Variants in PDE4A observed in about 807,000 individuals in gnomAD.
PDE4A encodes phosphodiesterase 4A.
Under a neutral mutation model 73.9 loss-of-function variants are expected in PDE4A, and 21 were observed. The ratio of observed to expected loss-of-function variants is 0.28; its 90% CI spans 0.20 to 0.41. PDE4A has a LOEUF of 0.41. Among genes scored for constraint, PDE4A ranks in the 10% least tolerant of loss-of-function variants. The pLI, the probability that PDE4A is intolerant of heterozygous loss-of-function variation, is 1.00. For synonymous variants in PDE4A, 463 were observed against 505.4 expected (o/e 0.92, Z 1.13); for missense variants, 958 against 1,211.4 (o/e 0.79, Z 3.10).
intron 13 of PDE4A, among the ~76,000 whole-genome samples, chr19:10,462,452 C>T (rs1488193819): frequency 3.3e-5 from 5 of 151,582 alleles, no homozygotes; most frequent in Non-Finnish European, 5.9e-5. Context: ...TGAGCCACCG[C>T]GCTCAGCCCT....
chr19:10,460,972 T>A, intron 10 of PDE4A, 32 bp from the exon 11 acceptor site: 11 of 1,597,036 alleles, frequency 6.9e-6, no homozygotes, highest in Non-Finnish European at 9.4e-6. Context: ...GCTTCAACTC[T>A]GTTATTCTAA....
chr19:10,418,945 GA>G (rs959459562), upstream of PDE4A: 33 of 985,126 alleles, frequency 3.3e-5, no homozygotes, highest in Admixed American at 4.9e-4. Context: ...TTGGCCCTTG[GA>G]ATACCCGGCG....
intron 1 of PDE4A, chr19:10,427,984 A>T: frequency 1.1e-5 from 2 of 186,224 alleles, no homozygotes; most frequent in Non-Finnish European, 1.8e-5. Context: ...TGACAGAGTG[A>T]GACCCTGTCA....
intron 1 of PDE4A, among the ~76,000 whole-genome samples, chr19:10,421,987 TG>T (rs747392428): frequency 1.3e-5 from 2 of 152,248 alleles, no homozygotes; most frequent in African/African-American, 2.4e-5. Flanking sequence ...AGTGTGACTG[TG>T]TATTTCCAGG....
intron 1 of PDE4A, among the ~76,000 whole-genome samples, chr19:10,432,057 C>T (rs1249116789): frequency 6.6e-6 from 1 of 151,822 alleles, no homozygotes; most frequent in African/African-American, 2.4e-5. Flanking sequence ...CGAGCGGGCC[C>T]AGCTCGACGT....
chr19:10,447,091 G>A (rs530242376), intron 2 of PDE4A, among the ~76,000 whole-genome samples: 5 of 149,682 alleles, frequency 3.3e-5, no homozygotes, highest in South Asian at 2.1e-4. Context: ...TAGTGGAGAC[G>A]GGGTTTCACC....
intron 14 of PDE4A, 27 bp from the exon 15 acceptor site, chr19:10,466,860 C>T: frequency 1.2e-6 from 2 of 1,603,184 alleles, no homozygotes; most frequent in Non-Finnish European, 1.7e-6. Flanking sequence ...ATAGGCCGCC[C>T]ATTTATACTT....
chr19:10,446,966 G>A (rs565264481), intron 2 of PDE4A, among the ~76,000 whole-genome samples: 11 of 138,168 alleles, frequency 8.0e-5, no homozygotes, highest in African/African-American at 3.0e-4. Flanking sequence ...TGGTGCGATC[G>A]CGGCTCACTG....
chr19:10,420,997 G>T lies in PDE4A; in HGVS notation c.233G>T (p.Gly78Val), dbSNP rs766841699. 1.8e-5 allele frequency: 27 copies of T among 1,522,954 alleles called. No individual in the cohort carries two copies. The highest frequency in any genetic ancestry group is 2.4e-5 in the Non-Finnish European group (27 of 1,143,906). 94.3% of individuals were successfully genotyped at this position (1,522,954 alleles called of 1,614,324 possible). Residue 78 changes from glycine (G) to valine (V), a missense_variant, in exon 1 of 15, where the codon GGC becomes GTC. Transcript: ENST00000380702. The surrounding 1 kb of genome is among the most constrained non-coding windows in gnomAD (Gnocchi z 6.0). The stretch of plus-strand genomic sequence containing the variant: ...GCCATGGACACCAGCGACCGGCCCG[G>T]CCTGCGCACGACCCGCATGTCCTGG... ...ADAMDTSDRP[G>V]LRTTRMSWPS...
intron 1 of PDE4A, 115 bp from the exon 2 acceptor site, chr19:10,446,103 T>C: frequency 1.4e-6 from 2 of 1,442,284 alleles, no homozygotes; most frequent in Non-Finnish European, 1.8e-6. Context: ...CCTCCCAAAG[T>C]GCTGGGATTA....
intron 1 of PDE4A, among the ~76,000 whole-genome samples, chr19:10,423,545 G>T (rs2042678034): frequency 6.6e-6 from 1 of 152,156 alleles, no homozygotes; most frequent in African/African-American, 2.4e-5. Context: ...CAATTCCTGT[G>T]CATCTTTGTA....
intron 2 of PDE4A, 119 bp downstream of exon 2, chr19:10,446,528 C>A: frequency 9.8e-6 from 12 of 1,220,554 alleles, no homozygotes; most frequent in Non-Finnish European, 1.4e-5. Context: ...CCCAACCTGT[C>A]CTCCCCAGTG....
chr19:10,437,119 C>G (rs1483866229), intron 1 of PDE4A, among the ~76,000 whole-genome samples: 2 of 152,026 alleles, frequency 1.3e-5, no homozygotes, highest in African/African-American at 4.8e-5. Flanking sequence ...ACCTTAAGAA[C>G]CTTAAGAGTG....
chr19:10,446,215 C>T lies in PDE4A; in HGVS notation c.321-3C>T, dbSNP rs200212266. The T allele has an allele frequency of 6.4e-6, 10 of 1,560,950 alleles. No homozygotes were observed. Among genetic ancestry groups the T allele is most frequent in the Non-Finnish European group, 7.8e-6 (9 of 1,152,464 alleles). ...GACCCCTCTTCTCGCCCATCCCCTG[C>T]AGCTTCGAGGCAGAGAATGGGCCGA... On this transcript the variant is annotated splice_region_variant and splice_polypyrimidine_tract_variant and intron_variant, in intron 1 of 14. Transcript: ENST00000380702.
Position 10,467,263 on chromosome 19 carries a change from C to T in PDE4A, c.2303C>T (p.Ala768Val), listed in dbSNP as rs758173820. ...QESLEVMAQEASLEAELEAVY... is the reference protein window; with the variant it reads ...QESLEVMAQEVSLEAELEAVY... Reference sequence around the variant, plus strand: ...TCGTTGGAAGTTATGGCACAGGAAGCATCCCTGGAGGCCGAGCTGGAGGCA... The same window carrying T: ...TCGTTGGAAGTTATGGCACAGGAAGTATCCCTGGAGGCCGAGCTGGAGGCA... Residue 768 changes from alanine to valine, a missense_variant, in exon 15 of 15, where the codon GCA becomes GTA. By Grantham distance (64) the Ala-to-Val change is moderately conservative. Coordinates refer to ENST00000380702, the MANE Select transcript of PDE4A (RefSeq NM_001111307.2). 6.2e-7 allele frequency: 1 copy of T among 1,614,214 alleles called. No homozygotes were observed. Among genetic ancestry groups the T allele is most frequent in the Admixed American group, 1.7e-5 (1 of 60,014 alleles).
In PDE4A at chr19:10,457,942, C is replaced by T. The variant is rs779771039; in HGVS notation, c.941C>T (p.Pro314Leu). 8.7e-6 allele frequency: 14 copies of T among 1,613,226 alleles called. No individual in the cohort carries two copies. The highest frequency in any genetic ancestry group is 6.7e-5 in the African/African-American group (5 of 74,890). ...TMKEREKQQA[P>L]RPRPSQPPPP... ...AAGGAACGAGAAAAACAGCAAGCGCCGCGACCAAGACCCTCCCAGCCGCCC... is the reference window on the plus strand; with the variant it reads ...AAGGAACGAGAAAAACAGCAAGCGCTGCGACCAAGACCCTCCCAGCCGCCC... Residue 314 changes from proline to leucine, a missense_variant, in exon 8 of 15, where the codon CCG becomes CTG. This residue lies in a region of PDE4A where 570 missense variants were observed against 827.7 expected (regional missense o/e 0.69). Coordinates refer to ENST00000380702, the MANE Select transcript of PDE4A (RefSeq NM_001111307.2).
chr19:10,451,326 C>T (rs969607997), intron 6 of PDE4A, among the ~76,000 whole-genome samples: 4 of 152,092 alleles, frequency 2.6e-5, no homozygotes, highest in African/African-American at 9.7e-5. Context: ...TTCCCCAGGG[C>T]TGGAGGAGCC....
chr19:10,446,275 G>C lies in PDE4A; in HGVS notation c.378G>C (p.Gln126His). 6.2e-7 allele frequency: 1 copy of C among 1,605,448 alleles called. No individual in the cohort carries two copies. Residue 126 changes from glutamine to histidine, a missense_variant, in exon 2 of 15, where the codon CAG becomes CAC. Physicochemically the swap from Gln to His is conservative, Grantham distance 24. Coordinates refer to ENST00000380702, the MANE Select transcript of PDE4A (RefSeq NM_001111307.2). The stretch of plus-strand genomic sequence containing the variant: ...CTGGCCGCAGCCCCCTGGACTCGCA[G>C]GCGAGCCCAGGACTCGTGCTGCACG... ...PSPGRSPLDS[Q>H]ASPGLVLHAG... is the part of the protein sequence containing the mutation.
At chr19:10,444,429 C>T (rs2042977138) in intron 1 of PDE4A, among the ~76,000 whole-genome samples, 3 of 151,086 alleles carry the variant, frequency 2.0e-5, no homozygotes, top group Admixed American at 6.6e-5. Flanking sequence ...ACCCAGGAGG[C>T]GGAGGTTGCG....
Sources: allele counts gnomAD v4.1 joint callset (sites outside exome capture counted in the v4.1 genomes callset), GRCh38; gene constraint gnomAD v4.1.1; regional missense constraint gnomAD v4.1.1; non-coding constraint Gnocchi (gnomAD v3.1); transcripts MANE v1.5; gene names NCBI Gene and HGNC (gene_info 2026-07-23, HGNC 2026-07-21).